The following MBD2 variants were observed in gnomAD, a reference collection of about 807,000 sequenced individuals.
MBD2 encodes the protein methyl-CpG-binding domain protein 2.
In MBD2, 9 loss-of-function variants were observed where a neutral mutation model predicts 39.3. The ratio of observed to expected loss-of-function variants is 0.23; its 90% confidence interval spans 0.14 to 0.40. The LOEUF (loss-of-function observed/expected upper bound fraction) is 0.40. Ranked by LOEUF, MBD2 falls within the 10% of genes least tolerant of loss-of-function variation. The probability of loss-of-function intolerance (pLI) is 1.00; values close to 1 mark genes in which losing one functional copy is unlikely to be tolerated. For missense variants in MBD2, 458 were observed against 532.6 expected (o/e 0.86, Z 1.38); for synonymous variants, 233 against 211.1 (o/e 1.10, Z -0.90).
intron 3 of MBD2, among the ~76,000 whole-genome samples, chr18:54,186,082 CTAAAT>C (rs1182287173): frequency 1.3e-5 from 2 of 152,012 alleles, no homozygotes; most frequent in African/African-American, 4.8e-5. Flanking sequence ...TGCTTCTCAT[CTAAAT>C]TAAACATTTC....
At chr18:54,178,529 TGCAAAGAAATA>T (rs2086227977) in intron 3 of MBD2, among the ~76,000 whole-genome samples, 1 of 151,586 alleles carries the variant, frequency 6.6e-6, no homozygotes, top group African/African-American at 2.4e-5. Flanking sequence ...AAAAAGAAAG[TGCAAAGAAATA>T]GCAAACAAAT....
chr18:54,175,984 G>GT (rs1462831085), intron 3 of MBD2, among the ~76,000 whole-genome samples: 3 of 152,120 alleles, frequency 2.0e-5, no homozygotes, highest in Admixed American at 2.0e-4. Flanking sequence ...ATTTAAATGC[G>GT]TAAGATATGT....
intron 2 of MBD2, among the ~76,000 whole-genome samples, chr18:54,197,082 CAA>C: frequency 6.6e-6 from 1 of 152,286 alleles, no homozygotes; most frequent in South Asian, 2.1e-4. Flanking sequence ...GCTCTTTGAA[CAA>C]GAGAACATGA....
chr18:54,200,356 A>T (rs1018915411), intron 2 of MBD2, among the ~76,000 whole-genome samples: 3 of 152,232 alleles, frequency 2.0e-5, no homozygotes, highest in Non-Finnish European at 4.4e-5. Context: ...TTGTAGATTT[A>T]ATTTATAAAA....
intron 3 of MBD2, among the ~76,000 whole-genome samples, chr18:54,176,222 G>A (rs754515763): frequency 6.6e-6 from 1 of 152,226 alleles, no homozygotes; most frequent in African/African-American, 2.4e-5. Flanking sequence ...GCAGCTAAAT[G>A]CTTTAATCCT....
intron 1 of MBD2, among the ~76,000 whole-genome samples, chr18:54,217,701 T>C (rs1229281563): frequency 2.0e-5 from 3 of 152,200 alleles, no homozygotes; most frequent in Admixed American, 6.5e-5. Flanking sequence ...AATGATGATA[T>C]CTCATTAACT....
Position 54,180,897 on chromosome 18 carries a change from C to T in MBD2, c.840+7977G>A, listed in dbSNP as rs796864569. Among the ~76,000 whole-genome samples the T allele has an allele frequency of 5.5e-3, 576 of 105,176 alleles. 5 individuals carry two copies. Among genetic ancestry groups the T allele is most frequent in the African/African-American group, 0.015 (374 of 25,780 alleles). The allele number at this position is 105,176 out of a possible 152,430, so 69.0% of individuals were successfully genotyped here. ...CAGCCTATGTATTCCTTAATTTTTTCTTTTTCTTTTTTTTTTTTTTTTTTT... is the reference window on the plus strand; with the variant it reads ...CAGCCTATGTATTCCTTAATTTTTTTTTTTTCTTTTTTTTTTTTTTTTTTT... On this transcript the variant is annotated intron_variant, in intron 3 of 6. Coordinates refer to ENST00000256429, the MANE Select transcript of MBD2 (RefSeq NM_003927.5).
chr18:54,207,846 G>GCTA (rs894000900), intron 1 of MBD2, among the ~76,000 whole-genome samples: 5 of 151,426 alleles, frequency 3.3e-5, no homozygotes, highest in Non-Finnish European at 5.9e-5. Flanking sequence ...GACCATCCTG[G>GCTA]CTAACACGGT....
At position 54,180,890 on chromosome 18, in the gene MBD2, A is replaced by ATTTTTTTTTTTTT. The variant is rs1568083459; in HGVS notation, c.840+7983_840+7984insAAAAAAAAAAAAA. 2.5e-4 allele frequency among the ~76,000 whole-genome samples: 29 copies of ATTTTTTTTTTTTT among 114,578 alleles called. 1 individual carries two copies. Among genetic ancestry groups the ATTTTTTTTTTTTT allele is most frequent in the African/African-American group, 1.0e-3 (28 of 27,174 alleles). The allele number at this position is 114,578 out of a possible 152,430, so 75.2% of individuals were successfully genotyped here. ...GAACCAACAGCCTATGTATTCCTTA[A>ATTTTTTTTTTTTT]TTTTTTCTTTTTCTTTTTTTTTTTT... On this transcript the variant is annotated intron_variant, in intron 3 of 6. Transcript: ENST00000256429.
intron 3 of MBD2, among the ~76,000 whole-genome samples, chr18:54,168,568 GATACATATATATAT>G (rs2086153265): frequency 1.2e-5 from 1 of 86,252 alleles, no homozygotes. Flanking sequence ...TGAAAATGGA[GATACATATATATAT>G]ATATATATAT....
At chr18:54,181,517 T>A (rs2144302619) in intron 3 of MBD2, among the ~76,000 whole-genome samples, 1 of 152,296 alleles carries the variant, frequency 6.6e-6, no homozygotes, top group East Asian at 1.9e-4. Flanking sequence ...TTCTTTTTTT[T>A]AAGACGGATT....
chr18:54,175,797 C>T (rs1486355772), intron 3 of MBD2, among the ~76,000 whole-genome samples: 1 of 152,146 alleles, frequency 6.6e-6, no homozygotes, highest in Non-Finnish European at 1.5e-5. Flanking sequence ...CTCAAGCCTC[C>T]CCTGTCCTAC....
intron 2 of MBD2, chr18:54,203,250 T>C: frequency 2.0e-6 from 2 of 997,206 alleles, no homozygotes; most frequent in Non-Finnish European, 2.9e-6. Context: ...AAAAGTACTC[T>C]TCATTTCATA....
chr18:54,205,241 T>G, intron 1 of MBD2, 84 bp from the exon 2 acceptor site: 1 of 1,150,806 alleles, frequency 8.7e-7, no homozygotes, highest in Non-Finnish European at 1.2e-6. Flanking sequence ...CTACCCTCAA[T>G]TGATACCCCA....
chr18:54,209,172 C>A (rs532499191), intron 1 of MBD2, among the ~76,000 whole-genome samples: 130 of 151,774 alleles, frequency 8.6e-4, no homozygotes, highest in Non-Finnish European at 1.5e-3. Context: ...GGCGTGCGCC[C>A]GTAATCCCTG....
chr18:54,222,003 C>G lies in MBD2; in HGVS notation c.542+2015G>C, dbSNP rs139034064. Reference sequence around the variant, plus strand: ...AGGAGAACTGCCACAGAGTAAAATTCAAAGTTTAAGATGTTCTACTGAGAA... The same window carrying G: ...AGGAGAACTGCCACAGAGTAAAATTGAAAGTTTAAGATGTTCTACTGAGAA... On this transcript the variant is annotated intron_variant, in intron 1 of 6. Coordinates refer to ENST00000256429, the MANE Select transcript of MBD2 (RefSeq NM_003927.5). 2.2e-3 allele frequency among the ~76,000 whole-genome samples: 335 copies of G among 152,302 alleles called. 3 individuals carry two copies. The highest frequency in any genetic ancestry group is 7.5e-3 in the African/African-American group (312 of 41,562).
intron 5 of MBD2, among the ~76,000 whole-genome samples, chr18:54,161,496 A>G (rs2086097967): frequency 6.6e-6 from 1 of 152,240 alleles, no homozygotes; most frequent in Admixed American, 6.5e-5. Context: ...TATTGGTTTC[A>G]CTGGCAGTCT....
Position 54,151,773 on chromosome 18 carries a change from C to T in MBD2, c.*3551G>A, listed in dbSNP as rs140731841. 9 of 148,678 alleles carry T rather than the reference C, an allele frequency of 6.1e-5. No individual in the cohort carries two copies. The East Asian group carries it at 1.2e-3, about 20-fold the overall frequency. 9.2% of individuals were successfully genotyped at this position (148,678 alleles called of 1,614,324 possible). On this transcript the variant is annotated 3_prime_UTR_variant, in exon 7 of 7. Transcript: ENST00000256429. Reference sequence around the variant, plus strand: ...ATCTATATTATTTTAAAAATCCAAACGAGTAATCTTATATTCAAAGAGATT... The same window carrying T: ...ATCTATATTATTTTAAAAATCCAAATGAGTAATCTTATATTCAAAGAGATT...
intron 3 of MBD2, among the ~76,000 whole-genome samples, chr18:54,173,198 A>C (rs771578717): frequency 3.9e-5 from 6 of 152,100 alleles, no homozygotes; most frequent in Non-Finnish European, 7.4e-5. Flanking sequence ...CCCCTCCTCC[A>C]GGCCAGACTG....
Sources: allele counts gnomAD v4.1 joint callset (sites outside exome capture counted in the v4.1 genomes callset), GRCh38; gene constraint gnomAD v4.1.1; transcripts MANE v1.5; gene names NCBI Gene and HGNC (gene_info 2026-07-23, HGNC 2026-07-21).